The following ERC1 variants were observed in gnomAD, a reference collection of about 807,000 sequenced individuals.
The protein encoded by ERC1 is RAB6 interacting protein 2.
In ERC1, 56 loss-of-function variants were observed where a neutral mutation model predicts 132.0. The observed-to-expected ratio is 0.42, with a 90% CI of 0.34 to 0.53. ERC1 has a LOEUF of 0.53. ERC1 is among the 20% of genes least tolerant of loss of function. The pLI is 0.03. For synonymous variants in ERC1, 478 were observed against 476.1 expected (o/e 1.00, Z -0.05); for missense variants, 1,202 against 1,349.9 (o/e 0.89, Z 1.72).
intron 12 of ERC1, among the ~76,000 whole-genome samples, chr12:1,226,737 C>T (rs1168876830): frequency 6.6e-6 from 1 of 152,098 alleles, no homozygotes; most frequent in Non-Finnish European, 1.5e-5. Context: ...AGTGCAGTGG[C>T]GTAGTCTCGG....
intron 17 of ERC1, among the ~76,000 whole-genome samples, chr12:1,440,600 TTG>T (rs56749397): frequency 0.035 from 1,800 of 50,982 alleles, 57 homozygotes; most frequent in East Asian, 0.055. Flanking sequence ...CCTCAGCCTT[TTG>T]TGTGTGTGTG....
At position 1,464,808 on chromosome 12, in the gene ERC1, C is replaced by T. The variant is rs747337385; in HGVS notation, c.3213+20058C>T. On this transcript the variant is annotated intron_variant, in intron 18 of 18. Transcript: ENST00000360905. ...GTGCTGGGATTACAGGCGTGAGCCA[C>T]GGTGCATGGCCACAAAAGCCTTTTT... 3.6e-4 allele frequency among the ~76,000 whole-genome samples: 54 copies of T among 152,072 alleles called. 1 individual carries two copies. Among genetic ancestry groups the T allele is most frequent in the South Asian group, 2.7e-3 (13 of 4,808 alleles).
intron 3 of ERC1, among the ~76,000 whole-genome samples, chr12:1,095,921 C>T (rs1943964062): frequency 6.7e-6 from 1 of 148,808 alleles, no homozygotes; most frequent in Admixed American, 6.6e-5. Flanking sequence ...TTATTGTACG[C>T]AGGGAAGGAT....
intron 1 of ERC1, chr12:998,548 T>C (rs1305128936): frequency 6.6e-6 from 1 of 152,218 alleles, no homozygotes; most frequent in Non-Finnish European, 1.5e-5. Flanking sequence ...AGTGCTTCTG[T>C]CTTCAAAAGA....
At chr12:1,151,481 T>C (rs956798900) in intron 8 of ERC1, among the ~76,000 whole-genome samples, 1 of 152,178 alleles carries the variant, frequency 6.6e-6, no homozygotes, top group Non-Finnish European at 1.5e-5. Context: ...GAAATCCCTG[T>C]TATATTCCAG....
At chr12:1,214,702 A>ATG (rs1958228956) in intron 12 of ERC1, among the ~76,000 whole-genome samples, 2 of 144,770 alleles carry the variant, frequency 1.4e-5, no homozygotes, top group South Asian at 2.2e-4. Context: ...ACACACACAC[A>ATG]TATGTTTGGG....
At chr12:1,375,755 T>TTTTTTTGG (rs2087821513) in intron 16 of ERC1, among the ~76,000 whole-genome samples, 2 of 103,992 alleles carry the variant, frequency 1.9e-5, no homozygotes, top group African/African-American at 8.8e-5. Context: ...TTTTTTTTTT[T>TTTTTTTGG]GAGGTGGAGT....
chr12:1,121,711 G>T (rs79550411), intron 7 of ERC1, among the ~76,000 whole-genome samples: 3 of 40,498 alleles, frequency 7.4e-5, no homozygotes, highest in Non-Finnish European at 1.0e-4. Context: ...CTCTATCTGT[G>T]TCTCTATCTC....
chr12:1,204,123 T>TA (rs1957151709), intron 12 of ERC1: 1 of 180,548 alleles, frequency 5.5e-6, no homozygotes, highest in African/African-American at 2.4e-5. Context: ...CTAAGCAGAC[T>TA]AAAATTGTGC....
intron 2 of ERC1, among the ~76,000 whole-genome samples, chr12:1,058,606 G>T (rs1306555392): frequency 6.6e-6 from 1 of 152,098 alleles, no homozygotes; most frequent in African/African-American, 2.4e-5. Flanking sequence ...GCTTTGTAGT[G>T]TATTTTGAAG....
chr12:1,121,233 T>C (rs547197112), intron 7 of ERC1, among the ~76,000 whole-genome samples: 11 of 152,368 alleles, frequency 7.2e-5, no homozygotes, highest in African/African-American at 2.6e-4. Flanking sequence ...ACTTGCGTTC[T>C]TGATCATAAC....
chr12:1,427,099 T>C (rs770706205), intron 17 of ERC1, among the ~76,000 whole-genome samples: 1 of 152,162 alleles, frequency 6.6e-6, no homozygotes. Flanking sequence ...CTGCTCTTTG[T>C]GTTCTTAAAT....
chr12:1,433,905 C>T (rs139750799), intron 17 of ERC1, among the ~76,000 whole-genome samples: 115 of 149,046 alleles, frequency 7.7e-4, no homozygotes, highest in African/African-American at 2.7e-3. Context: ...CTCCCTGAGG[C>T]TGAGGCTGCA....
chr12:1,092,067 CGGCTCACTGCA>C (rs1370721879), intron 3 of ERC1, among the ~76,000 whole-genome samples: 4 of 149,474 alleles, frequency 2.7e-5, no homozygotes, highest in Admixed American at 6.7e-5. Flanking sequence ...GGTGCGATCT[CGGCTCACTGCA>C]ACCTGCGCCC....
In ERC1 at chr12:1,190,654, G is replaced by C. The variant is rs138747318; in HGVS notation, c.2351+602G>C. On this transcript the variant is annotated intron_variant, in intron 12 of 18. Transcript: ENST00000360905. ...GTGTTTGAACAGATCTAGGCAGACA[G>C]GTCTCCTATAATTTTTTTGGTGTGT... Among the ~76,000 whole-genome samples, 371 of 152,212 alleles carry C rather than the reference G, an allele frequency of 2.4e-3. 1 individual carries two copies. Among genetic ancestry groups the C allele is most frequent in the African/African-American group, 7.8e-3 (324 of 41,534 alleles).
chr12:1,391,786 G>A (rs138844669), intron 16 of ERC1, among the ~76,000 whole-genome samples: 547 of 152,310 alleles, frequency 3.6e-3, no homozygotes, highest in African/African-American at 0.013. Flanking sequence ...CTTTCCTTTG[G>A]AGGCTTCTTT....
chr12:1,426,414 T>C (rs1194905938), intron 17 of ERC1, among the ~76,000 whole-genome samples: 1 of 152,210 alleles, frequency 6.6e-6, no homozygotes, highest in Non-Finnish European at 1.5e-5. Context: ...CTTTAGAACA[T>C]TCTTTACAAG....
chr12:1,286,873 A>G (rs1475903441), intron 14 of ERC1, among the ~76,000 whole-genome samples: 1 of 152,228 alleles, frequency 6.6e-6, no homozygotes, highest in Non-Finnish European at 1.5e-5. Context: ...AACTTTATGA[A>G]AGATATTAAA....
intron 15 of ERC1, among the ~76,000 whole-genome samples, chr12:1,313,566 C>G (rs1444566135): frequency 2.0e-5 from 3 of 151,778 alleles, no homozygotes; most frequent in Non-Finnish European, 4.4e-5. Context: ...CAAAAAGAGG[C>G]TAATCACCTC....
Sources: gnomAD v4.1 joint callset for allele counts (sites outside exome capture counted in the v4.1 genomes callset) on GRCh38, gnomAD v4.1.1 for gene constraint, MANE v1.5 for transcripts, NCBI Gene and HGNC (gene_info 2026-07-23, HGNC 2026-07-21) for gene names.